The following ATRNL1 variants were observed in gnomAD, a reference collection of about 807,000 sequenced individuals.
ATRNL1 encodes the protein attractin like 1, also known as attractin-like protein 1.
A neutral mutation model predicts 182.7 loss-of-function variants in ATRNL1; 95 were observed. The observed-to-expected ratio is 0.52, with a 90% CI of 0.44 to 0.62. The LOEUF is 0.62. Among genes scored for constraint, ATRNL1 ranks in the 20% least tolerant of loss-of-function variants. ATRNL1 has a pLI of 0.00. For synonymous variants in ATRNL1, 576 were observed against 568.3 expected (o/e 1.01, Z -0.19); for missense variants, 1,471 against 1,679.5 (o/e 0.88, Z 2.17).
Position 115,877,188 on chromosome 10 carries a change from A to G in ATRNL1, c.4018+29197A>G, listed in dbSNP as rs1951719763. On this transcript the variant is annotated intron_variant, in intron 28 of 28. Transcript: ENST00000355044. ...TTTATCTGATTGAAGCTAGGATGCTACTTGCATTGTACTTCACTTTAGGTA... is the reference window on the plus strand; with the variant it reads ...TTTATCTGATTGAAGCTAGGATGCTGCTTGCATTGTACTTCACTTTAGGTA... Among the ~76,000 whole-genome samples, 3 of 152,352 alleles carry G rather than the reference A, an allele frequency of 2.0e-5. No homozygotes were observed. The South Asian group carries it at 6.2e-4, about 32-fold the overall frequency.
chr10:115,326,249 A>G (rs1854874070), intron 18 of ATRNL1, among the ~76,000 whole-genome samples: 1 of 152,178 alleles, frequency 6.6e-6, no homozygotes, highest in Non-Finnish European at 1.5e-5. Context: ...CAGGATACAA[A>G]ATCAATGTAC....
chr10:115,341,213 T>G (rs530648141), intron 19 of ATRNL1, among the ~76,000 whole-genome samples: 1 of 152,244 alleles, frequency 6.6e-6, no homozygotes, highest in South Asian at 2.1e-4. Flanking sequence ...TTTAGTATGT[T>G]GTGTTTCTAT....
intron 26 of ATRNL1, among the ~76,000 whole-genome samples, chr10:115,588,701 C>G (rs368726162): frequency 1.3e-5 from 2 of 152,074 alleles, no homozygotes; most frequent in African/African-American, 4.8e-5. Context: ...TTTTCCTACC[C>G]GTGTTGGTGT....
At chr10:115,537,835 A>G (rs1298079135) in intron 25 of ATRNL1, among the ~76,000 whole-genome samples, 1 of 152,148 alleles carries the variant, frequency 6.6e-6, no homozygotes, top group Admixed American at 6.5e-5. Context: ...AGGATACAGA[A>G]CAATGCCAAA....
At chr10:115,512,697 ATT>A (rs1850449230) in intron 24 of ATRNL1, among the ~76,000 whole-genome samples, 1 of 152,072 alleles carries the variant, frequency 6.6e-6, no homozygotes, top group East Asian at 1.9e-4. Context: ...GGGAAAAGAC[ATT>A]TTAACTAATG....
intron 5 of ATRNL1, among the ~76,000 whole-genome samples, chr10:115,143,686 G>A (rs575151688): frequency 2.6e-4 from 40 of 152,242 alleles, no homozygotes; most frequent in African/African-American, 9.6e-4. Context: ...ATATGACAGA[G>A]AGAAGGAGAG....
chr10:115,623,629 A>C (rs528078599), intron 26 of ATRNL1, among the ~76,000 whole-genome samples: 4 of 152,308 alleles, frequency 2.6e-5, no homozygotes, highest in African/African-American at 9.6e-5. Context: ...GAAATAATGA[A>C]GTGAGTAACA....
chr10:115,382,518 T>C (rs1858076182), intron 19 of ATRNL1, among the ~76,000 whole-genome samples: 1 of 152,006 alleles, frequency 6.6e-6, no homozygotes, highest in South Asian at 2.1e-4. Flanking sequence ...TAGACTTTTA[T>C]ACATTGATTT....
intron 26 of ATRNL1, among the ~76,000 whole-genome samples, chr10:115,606,842 T>C (rs1031171474): frequency 6.6e-6 from 1 of 152,054 alleles, no homozygotes. Context: ...TTTCTAGCCA[T>C]GCCTGTTCTA....
chr10:115,588,352 G>A (rs1555010958), intron 26 of ATRNL1, among the ~76,000 whole-genome samples: 1 of 152,126 alleles, frequency 6.6e-6, no homozygotes, highest in Non-Finnish European at 1.5e-5. Context: ...AGCTTAGAGT[G>A]TTGGCAGATA....
At chr10:115,254,376 C>G (rs1346699258) in intron 10 of ATRNL1, among the ~76,000 whole-genome samples, 1 of 152,348 alleles carries the variant, frequency 6.6e-6, no homozygotes, top group African/African-American at 2.4e-5. Context: ...TTGTATTTCT[C>G]TGATGACCAG....
chr10:115,783,952 G>T (rs1313071160), intron 27 of ATRNL1, among the ~76,000 whole-genome samples: 2 of 152,188 alleles, frequency 1.3e-5, no homozygotes, highest in Non-Finnish European at 1.5e-5. Flanking sequence ...GGCTGAGGTT[G>T]CAGTGAGTGG....
At chr10:115,587,226 C>A (rs1273943285) in intron 26 of ATRNL1, among the ~76,000 whole-genome samples, 2 of 151,934 alleles carry the variant, frequency 1.3e-5, no homozygotes, top group Admixed American at 1.3e-4. Context: ...TGCCCTGCCC[C>A]CAGAGGTGGA....
chr10:115,513,878 G>T (rs1475190583), intron 24 of ATRNL1, among the ~76,000 whole-genome samples: 2 of 151,920 alleles, frequency 1.3e-5, no homozygotes, highest in African/African-American at 4.8e-5. Context: ...ACCTGAGCCT[G>T]TAGCCTCCAG....
intron 28 of ATRNL1, among the ~76,000 whole-genome samples, chr10:115,876,604 T>A (rs1951706525): frequency 6.6e-6 from 1 of 152,168 alleles, no homozygotes; most frequent in Non-Finnish European, 1.5e-5. Context: ...GGTTAAGGGA[T>A]TCATATGTAA....
At chr10:115,305,124 T>C (rs1241265186) in intron 17 of ATRNL1, among the ~76,000 whole-genome samples, 1 of 151,784 alleles carries the variant, frequency 6.6e-6, no homozygotes, top group African/African-American at 2.4e-5. Flanking sequence ...TACTAGTCCT[T>C]CTTGCTCAGA....
intron 26 of ATRNL1, among the ~76,000 whole-genome samples, chr10:115,717,735 A>G (rs1947301936): frequency 1.3e-5 from 2 of 151,620 alleles, no homozygotes; most frequent in Admixed American, 1.3e-4. Context: ...TATTTTTAGT[A>G]GAGACAGGAT....
At chr10:115,397,015 T>G (rs948958508) in intron 20 of ATRNL1, among the ~76,000 whole-genome samples, 1 of 151,980 alleles carries the variant, frequency 6.6e-6, no homozygotes, top group Non-Finnish European at 1.5e-5. Flanking sequence ...AGGTGGTATT[T>G]GTACACAGAA....
At chr10:115,632,704 G>T (rs1174576933) in intron 26 of ATRNL1, among the ~76,000 whole-genome samples, 7 of 151,994 alleles carry the variant, frequency 4.6e-5, no homozygotes, top group African/African-American at 1.7e-4. Context: ...TTATTTATTT[G>T]TTATTCATCA....
Sources: allele counts gnomAD v4.1 joint callset (sites outside exome capture counted in the v4.1 genomes callset), GRCh38; gene constraint gnomAD v4.1.1; transcripts MANE v1.5; gene names NCBI Gene and HGNC (gene_info 2026-07-23, HGNC 2026-07-21).